LCORL: variants seen among roughly 807,000 people sequenced by gnomAD.
LCORL encodes the protein ligand dependent nuclear receptor corepressor like.
In LCORL, 41 loss-of-function variants were observed where a neutral mutation model predicts 141.8. The ratio of observed to expected loss-of-function variants is 0.29; its 90% confidence interval spans 0.23 to 0.38. The LOEUF is 0.38. Ranked by LOEUF, LCORL falls within the 10% of genes least tolerant of loss-of-function variation. LCORL has a pLI of 1.00. For missense variants in LCORL, 1,759 were observed against 2,035.0 expected, an observed-to-expected ratio of 0.86 and a Z score of 2.61; for synonymous variants, 618 against 694.1, an observed-to-expected ratio of 0.89 and a Z score of 1.72.
chr4:17,951,473 T>G (rs560622126), intron 4 of LCORL, among the ~76,000 whole-genome samples: 1 of 152,210 alleles, frequency 6.6e-6, no homozygotes, highest in African/African-American at 2.4e-5. Flanking sequence ...TTATTTTAAT[T>G]CCTGAAATAT....
chr4:17,923,247 G>A (rs1734581956), intron 4 of LCORL, among the ~76,000 whole-genome samples: 1 of 152,236 alleles, frequency 6.6e-6, no homozygotes, highest in Non-Finnish European at 1.5e-5. Flanking sequence ...CTGAATTTAT[G>A]GATTTAGGCT....
intron 1 of LCORL, among the ~76,000 whole-genome samples, chr4:17,982,946 G>C (rs1390333885): frequency 6.6e-6 from 1 of 152,142 alleles, no homozygotes; most frequent in Non-Finnish European, 1.5e-5. Context: ...TTTGTATAAG[G>C]TATAAGGAAG....
chr4:17,906,688 C>T (rs1422790080), intron 5 of LCORL, among the ~76,000 whole-genome samples: 17 of 134,018 alleles, frequency 1.3e-4, no homozygotes, highest in African/African-American at 3.9e-4. Flanking sequence ...TTTAAAATGC[C>T]TTTTTTTTTT....
chr4:17,850,297 A>C (rs374251069), intron 7 of LCORL, among the ~76,000 whole-genome samples: 17,033 of 144,528 alleles, frequency 0.12, 934 homozygotes, highest in South Asian at 0.26. Flanking sequence ...TAATTAAACT[A>C]AAGAGCTTCT....
chr4:17,929,190 A>G (rs1735615248), intron 4 of LCORL, among the ~76,000 whole-genome samples: 1 of 152,232 alleles, frequency 6.6e-6, no homozygotes, highest in African/African-American at 2.4e-5. Context: ...AATATTCTTA[A>G]GATGGTAATA....
intron 4 of LCORL, among the ~76,000 whole-genome samples, chr4:17,947,786 G>A (rs187206327): frequency 6.6e-6 from 1 of 151,916 alleles, no homozygotes; most frequent in Non-Finnish European, 1.5e-5. Flanking sequence ...AGATACCCAC[G>A]TGATATAGGT....
chr4:18,004,728 AC>A (rs1359173299), intron 1 of LCORL, among the ~76,000 whole-genome samples: 2 of 152,018 alleles, frequency 1.3e-5, no homozygotes, highest in East Asian at 3.9e-4. Context: ...TTCAGCATTA[AC>A]TCAAAAGTCC....
intron 5 of LCORL, among the ~76,000 whole-genome samples, chr4:17,887,975 C>G (rs1728526864): frequency 6.6e-6 from 1 of 152,060 alleles, no homozygotes; most frequent in South Asian, 2.1e-4. Context: ...ACTCAGAACA[C>G]AATGTAGAGT....
chr4:17,939,923 C>T (rs80043981), intron 4 of LCORL, among the ~76,000 whole-genome samples: 2,753 of 145,730 alleles, frequency 0.019, 84 homozygotes, highest in East Asian at 0.13. Context: ...TATGTACCTA[C>T]ATATGTATAT....
In LCORL at chr4:17,884,568, C is replaced by A. The variant is rs1386716579; in HGVS notation, c.776+1500G>T. 1 of 1,537,920 alleles carries A rather than the reference C, an allele frequency of 6.5e-7. No individual in the cohort carries two copies. Among genetic ancestry groups the A allele is most frequent in the Non-Finnish European group, 8.8e-7 (1 of 1,142,838 alleles). On this transcript the variant is annotated intron_variant, in intron 6 of 7. Coordinates refer to ENST00000635767, the Ensembl canonical transcript of LCORL. This position sits in a 1 kb window ranked among gnomAD's most constrained non-coding sequence, Gnocchi z 4.4. ...TCTCGAGTTTTGTTTTTAAAAGATG[C>A]AGGCTTCCCTGCTGGTAAGGCTTCT...
intron 4 of LCORL, among the ~76,000 whole-genome samples, chr4:17,950,992 CTA>C (rs1265358379): frequency 2.0e-5 from 3 of 152,120 alleles, no homozygotes; most frequent in Admixed American, 6.5e-5. Context: ...GTTGGTTTGT[CTA>C]TGGCTTCAGT....
intron 3 of LCORL, among the ~76,000 whole-genome samples, chr4:17,962,600 CT>C (rs939763570): frequency 2.6e-5 from 4 of 152,022 alleles, no homozygotes; most frequent in African/African-American, 9.7e-5. Flanking sequence ...CATTATTCCC[CT>C]ACTATTAATT....
At chr4:17,980,586 C>T (rs551182106) in intron 1 of LCORL, among the ~76,000 whole-genome samples, 6 of 152,304 alleles carry the variant, frequency 3.9e-5, no homozygotes, top group African/African-American at 1.4e-4. Context: ...CTAAAATTAG[C>T]TTGGGTATTC....
rs1326869229 is a variant in LCORL at position 17,962,105 on chromosome 4, A to C, written c.301-73T>G. The C allele has an allele frequency of 3.8e-6, 4 of 1,062,170 alleles. No homozygotes were observed. The African/African-American group carries it at 6.5e-5, about 17-fold the overall frequency. 65.8% of individuals were successfully genotyped at this position (1,062,170 alleles called of 1,614,324 possible). ...AACATGGAATTCCATTAAAAATGACAAAAAATTAATGCTCTAAATGCCCAT... is the reference window on the plus strand; with the variant it reads ...AACATGGAATTCCATTAAAAATGACCAAAAATTAATGCTCTAAATGCCCAT... On this transcript the variant is annotated intron_variant, in intron 3 of 7. Transcript: ENST00000635767.
At chr4:17,972,687 T>C in intron 2 of LCORL, 133 bp downstream of exon 2, 2 of 351,014 alleles carry the variant, frequency 5.7e-6, no homozygotes, top group South Asian at 1.2e-4. Context: ...ATTACTTTAT[T>C]AATTTTAAAA....
chr4:17,881,005 A>G (rs1727493694), intron 6 of LCORL: 1 of 980,674 alleles, frequency 1.0e-6, no homozygotes, highest in Non-Finnish European at 1.2e-6. Flanking sequence ...AAACAAATAC[A>G]AGTATTTGTA....
intron 5 of LCORL, among the ~76,000 whole-genome samples, chr4:17,899,106 C>A (rs1730458289): frequency 6.6e-6 from 1 of 152,122 alleles, no homozygotes; most frequent in Non-Finnish European, 1.5e-5. Context: ...TAATTATGCT[C>A]ATTTTTCTAT....
At chr4:18,015,148 CAGA>C (rs1724442075) in intron 1 of LCORL, among the ~76,000 whole-genome samples, 1 of 152,098 alleles carries the variant, frequency 6.6e-6, no homozygotes, top group African/African-American at 2.4e-5. Context: ...TGCACTATGA[CAGA>C]AGAATTAAAG....
intron 1 of LCORL, among the ~76,000 whole-genome samples, chr4:17,977,269 A>T (rs2724472): frequency 0.71 from 108,041 of 151,974 alleles, 38,681 homozygotes; most frequent in South Asian, 0.85. Flanking sequence ...AACAGTGTAA[A>T]TGTAGGGTTA....
Sources: gnomAD v4.1 joint callset for allele counts (sites outside exome capture counted in the v4.1 genomes callset) on GRCh38, gnomAD v4.1.1 for gene constraint, Gnocchi (gnomAD v3.1) non-coding constraint, MANE v1.5 for transcripts, NCBI Gene and HGNC (gene_info 2026-07-23, HGNC 2026-07-21) for gene names.